IRAK3: variants seen among roughly 807,000 people sequenced by gnomAD.
IRAK3 encodes interleukin 1 receptor associated kinase 3.
In IRAK3, 57 loss-of-function variants were observed where a neutral mutation model predicts 56.6. The observed-to-expected ratio is 1.01, with a 90% CI of 0.81 to 1.26. The LOEUF (loss-of-function observed/expected upper bound fraction) is 1.26, where lower values mean the gene tolerates loss of function less well. Among genes scored for constraint, IRAK3 ranks in the 50% most tolerant of loss-of-function variants. The pLI is 0.00. For missense variants in IRAK3, 703 were observed against 719.0 expected, an observed-to-expected ratio of 0.98 and a Z score of 0.25; for synonymous variants, 258 against 255.7, an observed-to-expected ratio of 1.01 and a Z score of -0.09.
intron 8 of IRAK3, among the ~76,000 whole-genome samples, chr12:66,243,396 C>T (rs957987487): frequency 6.6e-6 from 1 of 152,180 alleles, no homozygotes; most frequent in Non-Finnish European, 1.5e-5. Flanking sequence ...AACAGCATGT[C>T]GTACTACAAA....
intron 6 of IRAK3, among the ~76,000 whole-genome samples, chr12:66,220,241 G>C: frequency 6.6e-6 from 1 of 151,964 alleles, no homozygotes; most frequent in East Asian, 1.9e-4. Flanking sequence ...GTAAGACAAA[G>C]GTCCAATTTT....
chr12:66,189,494 G>GGCGTCGCCCT (rs2052378907), intron 1 of IRAK3, 62 bp downstream of exon 1: 2 of 1,074,438 alleles, frequency 1.9e-6, no homozygotes, highest in Non-Finnish European at 2.3e-6. Flanking sequence ...GGGCCCGCTC[G>GGCGTCGCCCT]GCGTCGCCCT....
intron 1 of IRAK3, among the ~76,000 whole-genome samples, chr12:66,190,846 C>T (rs2052392282): frequency 6.6e-6 from 1 of 152,154 alleles, no homozygotes; most frequent in Non-Finnish European, 1.5e-5. Flanking sequence ...AGGCTTATGT[C>T]CTTAACCCCA....
chr12:66,245,553 T>C (rs1188359606), intron 11 of IRAK3, among the ~76,000 whole-genome samples: 2 of 97,214 alleles, frequency 2.1e-5, no homozygotes, highest in African/African-American at 7.6e-5. Flanking sequence ...TTTTTTTTTT[T>C]TGGAGACAGA....
rs557726012 is a variant in IRAK3, at chr12:66,228,463, C to T, written c.887+93C>T. ...CACACTATTCTCTGCTGTAGTTCTC[C>T]TGGTATGTATGTGTGTGTGTTAAGA... On this transcript the variant is annotated intron_variant, in intron 8 of 11. Coordinates refer to ENST00000261233, the MANE Select transcript of IRAK3 (RefSeq NM_007199.3). The T allele has an allele frequency of 1.1e-4, 94 of 867,130 alleles. No homozygotes were observed. In the African/African-American group the frequency reaches 1.5e-3, roughly 14 times the overall value. The allele number at this position is 867,130 out of a possible 1,614,324, so 53.7% of individuals were successfully genotyped here.
intron 8 of IRAK3, among the ~76,000 whole-genome samples, chr12:66,244,078 A>G (rs922195411): frequency 6.6e-6 from 1 of 152,234 alleles, no homozygotes; most frequent in Non-Finnish European, 1.5e-5. Context: ...TAAGCTAAGC[A>G]TTTCACAGCA....
chr12:66,200,891 A>C (rs1180136944), intron 1 of IRAK3, among the ~76,000 whole-genome samples: 3 of 151,988 alleles, frequency 2.0e-5, no homozygotes, highest in Non-Finnish European at 2.9e-5. Flanking sequence ...GCTCACTGCA[A>C]CCTCTGCCTC....
intron 8 of IRAK3, among the ~76,000 whole-genome samples, chr12:66,239,235 T>A (rs191236585): frequency 2.3e-4 from 35 of 152,214 alleles, no homozygotes; most frequent in African/African-American, 7.9e-4. Context: ...AGTGAAACAG[T>A]CTTTCATACA....
At position 66,248,222 on chromosome 12, in the gene IRAK3, A is replaced by G. The variant is rs772663185; in HGVS notation, c.*51A>G. 3.0e-6 allele frequency: 4 copies of G among 1,335,400 alleles called. No individual in the cohort carries two copies. Among genetic ancestry groups the G allele is most frequent in the Admixed American group, 1.7e-5 (1 of 58,842 alleles). 82.7% of individuals were successfully genotyped at this position (1,335,400 alleles called of 1,614,324 possible). On this transcript the variant is annotated 3_prime_UTR_variant, in exon 12 of 12. Coordinates refer to ENST00000261233, the MANE Select transcript of IRAK3 (RefSeq NM_007199.3). ...GCAAGTATTGCATAGGCACCTGAGC[A>G]TAGGTATGACCTTGGGAAGACATTG...
rs2053017656 is a variant in IRAK3, at chr12:66,245,247, A to G, written c.1299A>G (p.Arg433=). Reference sequence around the variant, plus strand: ...GTGCTGCAACGCGGGCAAAGTTAAGACCATCAATGGATGAAGTGAGTATAT... The same window carrying G: ...GTGCTGCAACGCGGGCAAAGTTAAGGCCATCAATGGATGAAGTGAGTATAT... The part of the protein sequence containing the change: ...GRCAATRAKL[R]PSMDEVLNTL... Residue 433 remains arginine, a synonymous_variant, in exon 11 of 12, where the codon AGA becomes AGG. Transcript: ENST00000261233. 1.2e-6 allele frequency: 2 copies of G among 1,614,054 alleles called. No homozygotes were observed. Among genetic ancestry groups the G allele is most frequent in the Non-Finnish European group, 1.7e-6 (2 of 1,180,046 alleles).
chr12:66,207,482 A>C (rs927898063), intron 2 of IRAK3, among the ~76,000 whole-genome samples: 1 of 151,026 alleles, frequency 6.6e-6, no homozygotes, highest in African/African-American at 2.5e-5. Context: ...CAAAAAAAAA[A>C]ACAAAAAACA....
chr12:66,237,690 G>C (rs1408519748), intron 8 of IRAK3, among the ~76,000 whole-genome samples: 1 of 152,204 alleles, frequency 6.6e-6, no homozygotes, highest in Non-Finnish European at 1.5e-5. Context: ...TGACAAGTCA[G>C]TGTTGTCTCA....
chr12:66,194,619 G>A (rs1328004630), intron 1 of IRAK3, among the ~76,000 whole-genome samples: 1 of 152,086 alleles, frequency 6.6e-6, no homozygotes, highest in Non-Finnish European at 1.5e-5. Context: ...CTTGTGGTCA[G>A]GAGTCCGAGA....
chr12:66,235,060 C>G, intron 8 of IRAK3: 1 of 1,613,378 alleles, frequency 6.2e-7, no homozygotes, highest in South Asian at 1.1e-5. Context: ...AGAGCTTCAC[C>G]AGGTCCTGGT....
Position 66,247,857 on chromosome 12 carries a change from G to C in IRAK3, c.1477G>C (p.Asp493His). 6.2e-7 allele frequency: 1 copy of C among 1,614,168 alleles called. No homozygotes were observed. Among genetic ancestry groups the C allele is most frequent in the Non-Finnish European group, 8.5e-7 (1 of 1,179,998 alleles). The change falls in exon 12 of 12, where the codon GAT becomes CAT. Residue 493 changes from aspartate (D) to histidine (H), a missense_variant. Physicochemically the swap from Asp to His is moderately conservative, Grantham distance 81 (BLOSUM62 -1). Coordinates refer to ENST00000261233, the MANE Select transcript of IRAK3 (RefSeq NM_007199.3). ...CCAGAATAACAATTTACTACCTTCTGATGAAGGCCTGAGGATAGACAGAAT... is the reference window on the plus strand; with the variant it reads ...CCAGAATAACAATTTACTACCTTCTCATGAAGGCCTGAGGATAGACAGAAT... ...ESQNNNLLPS[D>H]EGLRIDRMTQ...
chr12:66,209,662 TCTC>T, intron 3 of IRAK3, 142 bp downstream of exon 3: 1 of 691,940 alleles, frequency 1.4e-6, no homozygotes, highest in Non-Finnish European at 2.6e-6. Flanking sequence ...CTCTCATTAT[TCTC>T]TATTTAGTTG....
rs150697932 is a variant in IRAK3, at chr12:66,195,290, A to G, written c.133+5858A>G. Among the ~76,000 whole-genome samples, 134 of 152,156 alleles carry G rather than the reference A, an allele frequency of 8.8e-4. 1 individual carries two copies. Among genetic ancestry groups the G allele is most frequent in the African/African-American group, 3.0e-3 (126 of 41,520 alleles). On this transcript the variant is annotated intron_variant, in intron 1 of 11. Coordinates refer to ENST00000261233, the MANE Select transcript of IRAK3 (RefSeq NM_007199.3). ...CACCGTAACCATCTTGGCACCAACC[A>G]CCATCGGTTCCCACCTCTACTATTT... is the stretch of plus-strand genomic sequence containing the variant.
At chr12:66,245,697 T>G (rs1276140229) in intron 11 of IRAK3, among the ~76,000 whole-genome samples, 1 of 151,722 alleles carries the variant, frequency 6.6e-6, no homozygotes, top group African/African-American at 2.4e-5. Context: ...CACGCCTGGC[T>G]AATTTTTGTA....
chr12:66,232,526 A>G (rs1415033259), intron 8 of IRAK3, among the ~76,000 whole-genome samples: 1 of 152,194 alleles, frequency 6.6e-6, no homozygotes, highest in Admixed American at 6.5e-5. Flanking sequence ...CATTTGGGCC[A>G]CTGAACACCT....
Sources: allele counts gnomAD v4.1 joint callset (sites outside exome capture counted in the v4.1 genomes callset), GRCh38; gene constraint gnomAD v4.1.1; transcripts MANE v1.5; gene names NCBI Gene and HGNC (gene_info 2026-07-23, HGNC 2026-07-21).